Variants in PKNOX2 observed in about 807,000 individuals in gnomAD.
PKNOX2 encodes homeobox protein PKNOX2.
Under a neutral mutation model 53.1 loss-of-function variants are expected in PKNOX2, and 14 were observed. That is an observed-to-expected ratio of 0.26 (90% CI 0.17 to 0.41). PKNOX2 has a LOEUF of 0.41. PKNOX2 is among the 10% of genes least tolerant of loss of function. The probability of loss-of-function intolerance (pLI) is 1.00; values close to 1 mark genes in which losing one functional copy is unlikely to be tolerated. For synonymous variants in PKNOX2, 257 were observed against 242.8 expected (o/e 1.06, Z -0.54); for missense variants, 496 against 602.8 (o/e 0.82, Z 1.85).
At chr11:125,302,847 G>T (rs1039142625) in intron 2 of PKNOX2, among the ~76,000 whole-genome samples, 1 of 152,214 alleles carries the variant, frequency 6.6e-6, no homozygotes, top group Non-Finnish European at 1.5e-5. Flanking sequence ...GAAAAGTCAG[G>T]CAATACCTGA....
chr11:125,326,983 C>T (rs67190204), intron 2 of PKNOX2, among the ~76,000 whole-genome samples: 8,813 of 152,230 alleles, frequency 0.058, 379 homozygotes, highest in African/African-American at 0.11. Context: ...CTTTCATCAC[C>T]GCACTCACGG....
chr11:125,206,365 T>C (rs543341063), intron 1 of PKNOX2, among the ~76,000 whole-genome samples: 7 of 151,894 alleles, frequency 4.6e-5, no homozygotes, highest in African/African-American at 1.7e-4. Context: ...GGGTGTTAGG[T>C]AGAAAGATTA....
At chr11:125,315,323 A>C (rs1949101906) in intron 2 of PKNOX2, among the ~76,000 whole-genome samples, 2 of 150,004 alleles carry the variant, frequency 1.3e-5, no homozygotes, top group Admixed American at 1.3e-4. Context: ...AAAAAAAAAA[A>C]AAAAACACCT....
intron 7 of PKNOX2, among the ~76,000 whole-genome samples, chr11:125,400,796 A>G (rs866887168): frequency 5.1e-4 from 77 of 152,214 alleles, no homozygotes; most frequent in Non-Finnish European, 1.9e-4. Context: ...GTGACTTTAT[A>G]TTATAGATCC....
rs560034591 is a variant in PKNOX2 at position 125,307,297 on chromosome 11, G to A, written c.-129-24522G>A. Among the ~76,000 whole-genome samples the A allele has an allele frequency of 2.6e-5, 4 of 152,310 alleles. No individual in the cohort carries two copies. In the South Asian group the frequency reaches 8.3e-4, roughly 32 times the overall value. On this transcript the variant is annotated intron_variant, in intron 2 of 12. Coordinates refer to ENST00000298282, the MANE Select transcript of PKNOX2 (RefSeq NM_001382323.2). ...GGACTTGACATTAACAATAAAGGGA[G>A]CCTGGGTGCGGTGGCTCACACCCAT...
intron 5 of PKNOX2, among the ~76,000 whole-genome samples, chr11:125,383,587 A>T (rs1293306867): frequency 6.6e-6 from 1 of 152,176 alleles, no homozygotes; most frequent in African/African-American, 2.4e-5. Context: ...ACTGCACTCC[A>T]GCCTGGATGA....
At chr11:125,216,971 A>C (rs577619531) in intron 1 of PKNOX2, among the ~76,000 whole-genome samples, 12 of 151,932 alleles carry the variant, frequency 7.9e-5, no homozygotes, top group Non-Finnish European at 1.5e-4. Context: ...GAAATTAGGC[A>C]GGAGGCCAGG....
At chr11:125,280,686 T>C (rs958590094) in intron 2 of PKNOX2, among the ~76,000 whole-genome samples, 1 of 152,166 alleles carries the variant, frequency 6.6e-6, no homozygotes, top group Non-Finnish European at 1.5e-5. Flanking sequence ...GCAATGCATG[T>C]TACCGTTCAG....
chr11:125,217,168 C>T (rs756744376), intron 1 of PKNOX2, among the ~76,000 whole-genome samples: 6 of 152,102 alleles, frequency 3.9e-5, no homozygotes, highest in South Asian at 2.1e-4. Flanking sequence ...GACAACAGCA[C>T]GCTGGTGATA....
At chr11:125,429,582 C>G (rs1206723432) in intron 11 of PKNOX2, among the ~76,000 whole-genome samples, 2 of 152,164 alleles carry the variant, frequency 1.3e-5, no homozygotes, top group Non-Finnish European at 2.9e-5. Context: ...CAGGGGAGCT[C>G]AGAGAGCAAG....
Position 125,178,673 on chromosome 11 carries a change from A to AAGGAAG in PKNOX2, c.-201+13897_-201+13898insAGGAAG, listed in dbSNP as rs1591470489. Among the ~76,000 whole-genome samples the AAGGAAG allele has an allele frequency of 5.2e-4, 28 of 54,222 alleles. 2 individuals are homozygous for AAGGAAG. The highest frequency in any genetic ancestry group is 5.0e-3 in the East Asian group (8 of 1,590). The allele number at this position is 54,222 out of a possible 152,430, so 35.6% of individuals were successfully genotyped here. On this transcript the variant is annotated intron_variant, in intron 1 of 12. Transcript: ENST00000298282. Reference sequence around the variant, plus strand: ...AGGAAGGAAGGAAGGAAGGAAGGAAAGAAAGAGAGAGAGAGAGAGAGAGAG... The same window carrying AAGGAAG: ...AGGAAGGAAGGAAGGAAGGAAGGAAAAGGAAGGAAAGAGAGAGAGAGAGAGAGAGAG...
intron 5 of PKNOX2, among the ~76,000 whole-genome samples, chr11:125,371,559 C>G (rs1952547697): frequency 6.6e-6 from 1 of 152,078 alleles, no homozygotes; most frequent in African/African-American, 2.4e-5. Context: ...CAGTCTCCTT[C>G]GTTCCCCTTT....
chr11:125,345,384 A>G (rs1361820680), intron 3 of PKNOX2, among the ~76,000 whole-genome samples: 2 of 151,712 alleles, frequency 1.3e-5, no homozygotes, highest in South Asian at 2.1e-4. Flanking sequence ...CTCCTCTGCC[A>G]CCACAAATTG....
At chr11:125,215,069 T>G (rs1940328245) in intron 1 of PKNOX2, among the ~76,000 whole-genome samples, 1 of 151,930 alleles carries the variant, frequency 6.6e-6, no homozygotes, top group Non-Finnish European at 1.5e-5. Flanking sequence ...AAACTTTTGT[T>G]GGAAGCTTTC....
chr11:125,175,708 G>A (rs1955663666), intron 1 of PKNOX2, among the ~76,000 whole-genome samples: 1 of 152,190 alleles, frequency 6.6e-6, no homozygotes, highest in Non-Finnish European at 1.5e-5. Flanking sequence ...AGGTATGGGT[G>A]TGGGCCTTGG....
chr11:125,429,790 T>G (rs1956606630), intron 11 of PKNOX2, among the ~76,000 whole-genome samples, 173 bp from the exon 12 acceptor site: 1 of 152,106 alleles, frequency 6.6e-6, no homozygotes, highest in Admixed American at 6.6e-5. Context: ...CCCAGGAAAT[T>G]TCATGAACTT....
At chr11:125,344,014 C>A (rs2136170301) in intron 3 of PKNOX2, among the ~76,000 whole-genome samples, 1 of 152,258 alleles carries the variant, frequency 6.6e-6, no homozygotes, top group South Asian at 2.1e-4. Flanking sequence ...AAGTCCTGTC[C>A]ATGGAGGAGG....
At chr11:125,315,328 A>AAAC (rs1201379428) in intron 2 of PKNOX2, among the ~76,000 whole-genome samples, 3 of 144,850 alleles carry the variant, frequency 2.1e-5, no homozygotes, top group African/African-American at 8.2e-5. Context: ...AAAAAAAAAA[A>AAAC]CACCTCTCTC....
At chr11:125,176,378 C>A (rs529636885) in intron 1 of PKNOX2, among the ~76,000 whole-genome samples, 3 of 152,148 alleles carry the variant, frequency 2.0e-5, no homozygotes, top group Non-Finnish European at 2.9e-5. Flanking sequence ...GGGATATGAC[C>A]GTGAACTAGA....
Sources: gnomAD v4.1 joint callset for allele counts (sites outside exome capture counted in the v4.1 genomes callset) on GRCh38, gnomAD v4.1.1 for gene constraint, MANE v1.5 for transcripts, NCBI Gene and HGNC (gene_info 2026-07-23, HGNC 2026-07-21) for gene names.